Variants in EGFR observed in about 807,000 individuals in gnomAD.
EGFR encodes avian erythroblastic leukemia viral (v-erb-b) oncogene homolog.
EGFR carries 58 observed loss-of-function variants against 143.0 expected under a neutral mutation model. The observed-to-expected ratio is 0.41, with a 90% CI of 0.33 to 0.50. EGFR has a LOEUF of 0.50. Ranked by LOEUF, EGFR falls within the 20% of genes least tolerant of loss-of-function variation. The pLI, the probability that EGFR is intolerant of heterozygous loss-of-function variation, is 0.39. For synonymous variants in EGFR, 613 were observed against 594.4 expected (o/e 1.03, Z -0.45); for missense variants, 1,307 against 1,579.0 (o/e 0.83, Z 2.92).
At chr7:55,165,903 C>T (rs1785953771) in intron 15 of EGFR, among the ~76,000 whole-genome samples, 1 of 152,172 alleles carries the variant, frequency 6.6e-6, no homozygotes, top group South Asian at 2.1e-4. Context: ...TTGGGCCAGA[C>T]GCAGTGGCTC....
intron 1 of EGFR, among the ~76,000 whole-genome samples, chr7:55,036,260 TTGTG>T (rs1333871168): frequency 2.0e-5 from 1 of 50,244 alleles, no homozygotes; most frequent in Admixed American, 1.9e-4. Context: ...GTGGTCAAGT[TTGTG>T]TGTGTGTGGG....
rs577333491 is a variant in EGFR, at chr7:55,043,582, G to A, written c.88+24217G>A. Among the ~76,000 whole-genome samples the A allele has an allele frequency of 1.7e-4, 25 of 146,086 alleles. No homozygotes were observed. In the South Asian group the frequency reaches 3.6e-3, roughly 21 times the overall value. On this transcript the variant is annotated intron_variant, in intron 1 of 27. Transcript: ENST00000275493. ...TTGCCATGTTGGCTAGGTTGGTCTC[G>A]AACTCCTGGCCTCAAGAGAACCGCC...
intron 22 of EGFR, among the ~76,000 whole-genome samples, chr7:55,193,739 T>G (rs7785854): frequency 0.067 from 10,142 of 152,256 alleles, 1,045 homozygotes; most frequent in African/African-American, 0.23. Context: ...ACTATTGAAA[T>G]GAATTTCCAA....
chr7:55,187,519 G>A (rs775625566), intron 20 of EGFR, among the ~76,000 whole-genome samples: 15 of 152,130 alleles, frequency 9.9e-5, no homozygotes, highest in Non-Finnish European at 1.6e-4. Context: ...GCAGCAGGGT[G>A]CCCGTGCTGC....
intron 1 of EGFR, among the ~76,000 whole-genome samples, chr7:55,025,913 G>A (rs1278257751): frequency 6.6e-6 from 1 of 152,226 alleles, no homozygotes; most frequent in Non-Finnish European, 1.5e-5. Context: ...GGGATCTCTT[G>A]TTCCCTGCTT....
intron 27 of EGFR, among the ~76,000 whole-genome samples, chr7:55,204,715 C>A (rs898225042): frequency 7.2e-6 from 1 of 139,058 alleles, no homozygotes; most frequent in Non-Finnish European, 1.6e-5. Flanking sequence ...ACACCACATA[C>A]ACACCCACAC....
intron 4 of EGFR, among the ~76,000 whole-genome samples, chr7:55,148,297 C>T (rs997545410): frequency 6.6e-5 from 10 of 151,624 alleles, no homozygotes; most frequent in African/African-American, 1.2e-4. Context: ...GAACCTGGAA[C>T]GGTTATGGGG....
intron 7 of EGFR, among the ~76,000 whole-genome samples, chr7:55,155,513 A>T (rs1785366200): frequency 6.6e-6 from 1 of 152,182 alleles, no homozygotes; most frequent in Non-Finnish European, 1.5e-5. Context: ...CAAATGAATT[A>T]CTTTAAAGGT....
At chr7:55,152,142 C>CA (rs1785189556) in intron 5 of EGFR, among the ~76,000 whole-genome samples, 1 of 152,150 alleles carries the variant, frequency 6.6e-6, no homozygotes, top group African/African-American at 2.4e-5. Flanking sequence ...TCTGGCTCAG[C>CA]CTCTCAGTGG....
intron 1 of EGFR, among the ~76,000 whole-genome samples, chr7:55,029,001 A>C (rs1003786449): frequency 6.6e-6 from 1 of 151,638 alleles, no homozygotes; most frequent in Non-Finnish European, 1.5e-5. Flanking sequence ...TACTAAAAAT[A>C]CAAAAAAAAC....
chr7:55,022,231 C>G (rs1421544535), intron 1 of EGFR, among the ~76,000 whole-genome samples: 1 of 152,142 alleles, frequency 6.6e-6, no homozygotes, highest in Non-Finnish European at 1.5e-5. Context: ...GATGAAGGTG[C>G]TCTCCAGAAG....
At chr7:55,201,995 G>A (rs184923636) in intron 26 of EGFR, among the ~76,000 whole-genome samples, 4 of 151,914 alleles carry the variant, frequency 2.6e-5, no homozygotes, top group African/African-American at 9.7e-5. Flanking sequence ...TGTTAGAAAC[G>A]CCATTTTTCA....
In EGFR at chr7:55,060,167, T is replaced by G. The variant is rs1490390327; in HGVS notation, c.88+40802T>G. 2.0e-5 allele frequency among the ~76,000 whole-genome samples: 3 copies of G among 152,252 alleles called. No homozygotes were observed. In the East Asian group the frequency reaches 5.8e-4, roughly 29 times the overall value. On this transcript the variant is annotated intron_variant, in intron 1 of 27. Coordinates refer to ENST00000275493, the MANE Select transcript of EGFR (RefSeq NM_005228.5). ...CTGTCACTCTGCATTTTCTGACCTTTCCCAAGTGTACAGTTTTATATGCAT... is the reference window on the plus strand; with the variant it reads ...CTGTCACTCTGCATTTTCTGACCTTGCCCAAGTGTACAGTTTTATATGCAT...
chr7:55,041,014 G>A (rs1787864863), intron 1 of EGFR, among the ~76,000 whole-genome samples: 1 of 152,224 alleles, frequency 6.6e-6, no homozygotes, highest in African/African-American at 2.4e-5. Flanking sequence ...ATATCACTCT[G>A]GATCACAGCA....
In EGFR at chr7:55,166,545, A is replaced by G. The variant is rs187628087; in HGVS notation, c.1880+1108A>G. ...CTGGAAAATGGTGAATACTGAGTCA[A>G]TGATAGCATCATTGATGGTGGGATG... On this transcript the variant is annotated intron_variant, in intron 15 of 27. Transcript: ENST00000275493. Among the ~76,000 whole-genome samples the G allele has an allele frequency of 1.6e-3, 242 of 152,340 alleles. 2 individuals are homozygous for G. Among genetic ancestry groups the G allele is most frequent in the Non-Finnish European group, 4.4e-4 (30 of 68,038 alleles).
At chr7:55,203,437 C>A (rs1787954226) in intron 27 of EGFR, among the ~76,000 whole-genome samples, 2 of 149,216 alleles carry the variant, frequency 1.3e-5, no homozygotes, top group Admixed American at 6.7e-5. Flanking sequence ...CAGACACGTA[C>A]ACACACTACA....
At chr7:55,056,884 T>C (rs1242112258) in intron 1 of EGFR, among the ~76,000 whole-genome samples, 1 of 152,248 alleles carries the variant, frequency 6.6e-6, no homozygotes, top group Admixed American at 6.5e-5. Context: ...CCATGCCCTG[T>C]GCAGCTCAGA....
chr7:55,112,995 A>G (rs933804597), intron 1 of EGFR, among the ~76,000 whole-genome samples: 2 of 152,194 alleles, frequency 1.3e-5, no homozygotes, highest in Non-Finnish European at 2.9e-5. Flanking sequence ...TTAGACTCAG[A>G]GTGACCATAT....
Position 55,124,446 on chromosome 7 carries a change from A to G in EGFR, c.89-17840A>G, listed in dbSNP as rs558083149. Among the ~76,000 whole-genome samples the G allele has an allele frequency of 2.2e-4, 33 of 152,336 alleles. 1 individual carries two copies. In the South Asian group the frequency reaches 6.8e-3, roughly 32 times the overall value. On this transcript the variant is annotated intron_variant, in intron 1 of 27. Coordinates refer to ENST00000275493, the MANE Select transcript of EGFR (RefSeq NM_005228.5). Reference sequence around the variant, plus strand: ...AATTACAAATTTAAGCTCTAAAATCATGGTGCTGTGTATGATATTCTTTGA... The same window carrying G: ...AATTACAAATTTAAGCTCTAAAATCGTGGTGCTGTGTATGATATTCTTTGA...
Sources: gnomAD v4.1 joint callset for allele counts (sites outside exome capture counted in the v4.1 genomes callset) on GRCh38, gnomAD v4.1.1 for gene constraint, MANE v1.5 for transcripts, NCBI Gene and HGNC (gene_info 2026-07-23, HGNC 2026-07-21) for gene names.